The following GPR179 variants were observed in gnomAD, a reference collection of about 807,000 sequenced individuals.
GPR179 encodes G protein-coupled receptor 179, also known as probable G protein-coupled receptor 179.
In GPR179, 52 loss-of-function variants were observed where a neutral mutation model predicts 70.8. The observed-to-expected ratio is 0.73, with a 90% confidence interval of 0.59 to 0.93. The LOEUF (loss-of-function observed/expected upper bound fraction) is 0.93. Among genes scored for constraint, GPR179 ranks in the 40% least tolerant of loss-of-function variants. GPR179 has a pLI of 0.00. For synonymous variants in GPR179, 1,123 were observed against 1,169.0 expected (o/e 0.96, Z 0.80); for missense variants, 2,734 against 2,966.8 (o/e 0.92, Z 1.82).
rs370179227 is a variant in GPR179 at position 38,327,229 on chromosome 17, C to T, written c.6340G>A (p.Val2114Met). 4.5e-5 allele frequency: 73 copies of T among 1,614,146 alleles called. No homozygotes were observed. Among genetic ancestry groups the T allele is most frequent in the Non-Finnish European group, 6.1e-5 (72 of 1,180,052 alleles). ...AGSVETRVAE[V>M]CLWEVVEAPS... ...GCCTCTACCACTTCCCACAGACACA[C>T]TTCCGCTACCCTGGTCTCCACACTG... The change falls in exon 11 of 11, where the codon GTG becomes ATG. Residue 2114 changes from valine (V) to methionine (M), a missense_variant. Physicochemically the swap from Val to Met is conservative, Grantham distance 21 (BLOSUM62 1). Coordinates refer to ENST00000616987, the MANE Select transcript of GPR179 (RefSeq NM_001004334.4).
At position 38,336,988 on chromosome 17, in the gene GPR179, C is replaced by T. The variant is rs770208418; in HGVS notation, c.1217G>A (p.Arg406His). Reference protein sequence around the residue: ...FLSMLVSYRCRRNKRIWASGV... With the variant: ...FLSMLVSYRCHRNKRIWASGV... The stretch of plus-strand genomic sequence containing the variant: ...TGGGGCCTTCCTTGCCTTGTTCCGG[C>T]GGCAGCGGTAGGAGACCAGCATGCT... The change falls in exon 4 of 11, where the codon CGC becomes CAC. Residue 406 changes from arginine to histidine, a missense_variant. By Grantham distance (29) the Arg-to-His change is conservative. Coordinates refer to ENST00000616987, the MANE Select transcript of GPR179 (RefSeq NM_001004334.4). The T allele has an allele frequency of 3.9e-5, 63 of 1,596,494 alleles. No homozygotes were observed. Among genetic ancestry groups the T allele is most frequent in the African/African-American group, 6.7e-5 (5 of 74,772 alleles).
chr17:38,331,636 T>C (rs1464901582), intron 10 of GPR179, 105 bp from the exon 11 acceptor site: 22 of 1,492,666 alleles, frequency 1.5e-5, no homozygotes, highest in Non-Finnish European at 2.0e-5. Flanking sequence ...TAGGGATCTC[T>C]TTCCATCAAG....
At position 38,330,956 on chromosome 17, in the gene GPR179, C is replaced by T; in HGVS notation, c.2613G>A (p.Glu871=). 1.2e-6 allele frequency: 2 copies of T among 1,611,500 alleles called. No homozygotes were observed. The highest frequency in any genetic ancestry group is 1.7e-6 in the Non-Finnish European group (2 of 1,179,124). ...CCATGGCTGCCTTGGCCTTCTTCCG[C>T]TCCTCCCGCTCCTTTGCTTGCCGGT... is the stretch of plus-strand genomic sequence containing the variant. ...ETYRQAKERE[E]RKKAKAAMAS... The change falls in exon 11 of 11, where the codon GAG becomes GAA. Residue 871 remains glutamate, a synonymous_variant. Coordinates refer to ENST00000616987, the MANE Select transcript of GPR179 (RefSeq NM_001004334.4).
chr17:38,330,360 G>A lies in GPR179; in HGVS notation c.3209C>T (p.Pro1070Leu). ...AGGGGCCTTGAGGCTGTGGGATTTA[G>A]GGAAGATCTTGGGCCTGTCTTCGTC... ...DVDEDRPKIF[P>L]KSHSLKAPVQ... is the part of the protein sequence containing the mutation. Residue 1070 changes from proline to leucine, a missense_variant, in exon 11 of 11, where the codon CCT (proline) becomes CTT (leucine). By Grantham distance (98) the Pro-to-Leu change is moderately conservative (BLOSUM62 -3). Coordinates refer to ENST00000616987, the MANE Select transcript of GPR179 (RefSeq NM_001004334.4). 3.1e-6 allele frequency: 5 copies of A among 1,613,960 alleles called. No individual in the cohort carries two copies. The highest frequency in any genetic ancestry group is 4.2e-6 in the Non-Finnish European group (5 of 1,179,924).
Position 38,334,034 on chromosome 17 carries a change from C to A in GPR179, c.1789G>T (p.Val597Leu). The A allele has an allele frequency of 2.5e-6, 4 of 1,612,852 alleles. No homozygotes were observed. The highest frequency in any genetic ancestry group is 1.7e-4 in the Middle Eastern group (1 of 6,052). Residue 597 changes from valine to leucine, a missense_variant, in exon 9 of 11, where the codon GTG (valine) becomes TTG (leucine). Coordinates refer to ENST00000616987, the MANE Select transcript of GPR179 (RefSeq NM_001004334.4). The surrounding 1 kb of genome is among the most constrained non-coding windows in gnomAD (Gnocchi z 4.7). ...LSAAFHTARF[V>L]LVPSLHPDWT... The stretch of plus-strand genomic sequence containing the variant: ...TCCGGGTGCAGAGAGGGAACCAGCA[C>A]AAACCTGGGGCGGGATAGGGGCGCA...
rs771561911 is a variant in GPR179 at position 38,330,827 on chromosome 17, A to T, written c.2742T>A (p.Ser914=). The T allele has an allele frequency of 1.2e-6, 2 of 1,606,172 alleles. No individual in the cohort carries two copies. Among genetic ancestry groups the T allele is most frequent in the Non-Finnish European group, 1.7e-6 (2 of 1,176,656 alleles). The change falls in exon 11 of 11, where the codon TCT becomes TCA. Residue 914 remains serine (S), a synonymous_variant. Coordinates refer to ENST00000616987, the MANE Select transcript of GPR179 (RefSeq NM_001004334.4). ...SPAKSSSVDS[S]HTSGRLHEEA... is the part of the protein sequence containing the mutation. Reference sequence around the variant, plus strand: ...CCTCATGAAGCCTCCCAGAGGTGTGAGAGCTGTCCACGCTGCTGCTCTTGG... The same window carrying T: ...CCTCATGAAGCCTCCCAGAGGTGTGTGAGCTGTCCACGCTGCTGCTCTTGG...
At chr17:38,332,170 G>T (rs892859447) in intron 10 of GPR179, among the ~76,000 whole-genome samples, 1 of 152,112 alleles carries the variant, frequency 6.6e-6, no homozygotes, top group Non-Finnish European at 1.5e-5. Flanking sequence ...AGGACACAAG[G>T]GGGAAACGGG....
chr17:38,331,828 C>T (rs2037363496), intron 10 of GPR179, among the ~76,000 whole-genome samples: 2 of 152,108 alleles, frequency 1.3e-5, no homozygotes, highest in East Asian at 1.9e-4. Context: ...ATGCTGTGTC[C>T]CTGGAGGCTG....
chr17:38,341,669 C>T (rs973250925), intron 1 of GPR179, among the ~76,000 whole-genome samples: 2 of 152,186 alleles, frequency 1.3e-5, no homozygotes, highest in Non-Finnish European at 1.5e-5. Context: ...ATCCTTCTTT[C>T]CTGTGGTTGA....
Position 38,328,590 on chromosome 17 carries a change from G to A in GPR179, c.4979C>T (p.Ser1660Phe), listed in dbSNP as rs749770941. Residue 1660 changes from serine (S) to phenylalanine (F), a missense_variant, in exon 11 of 11, where the codon TCC becomes TTC. By Grantham distance (155) the Ser-to-Phe change is radical. Coordinates refer to ENST00000616987, the MANE Select transcript of GPR179 (RefSeq NM_001004334.4). The stretch of plus-strand genomic sequence containing the variant: ...TGTGTCTTGAGGACGTGGTTGTGGG[G>A]AGAAGCTGCCAGGGTCCACACTCTC... The part of the protein sequence containing the change: ...PWESVDPGSF[S>F]PQPRPQDTER... 15 of 1,614,154 alleles carry A rather than the reference G, an allele frequency of 9.3e-6. No individual in the cohort carries two copies. The Admixed American group carries it at 2.5e-4, about 27-fold the overall frequency.
chr17:38,328,414 A>G lies in GPR179; in HGVS notation c.5155T>C (p.Leu1719=), dbSNP rs981800431. ...GATTTCCTAATGGCCTCAGCTCCCA[A>G]AGCCCTTTCCTCCCCTGCTCCAGCA... ...VGAGAGEERA[L]GAEAIRKSPN... The change falls in exon 11 of 11, where the codon TTG becomes CTG. Residue 1719 remains leucine (L), a synonymous_variant. Coordinates refer to ENST00000616987, the MANE Select transcript of GPR179 (RefSeq NM_001004334.4). 1.2e-6 allele frequency: 2 copies of G among 1,611,154 alleles called. No individual in the cohort carries two copies. The highest frequency in any genetic ancestry group is 1.7e-6 in the Non-Finnish European group (2 of 1,179,202).
Position 38,326,917 on chromosome 17 carries a change from T to TC in GPR179, c.6651dup (p.Met2218AspfsTer16). The TC allele has an allele frequency of 6.2e-7, 1 of 1,614,178 alleles. No individual in the cohort carries two copies. ...ATTTCCCATTGGCACAGCTCTGCCA[T>TC]CCTGCTTCCCATGCTGCCTGCTTCC... On this transcript the variant is annotated frameshift_variant, in exon 11 of 11. Transcript: ENST00000616987. LOFTEE classifies it low-confidence loss of function (END_TRUNC).
Position 38,327,375 on chromosome 17 carries a change from A to G in GPR179, c.6194T>C (p.Met2065Thr). 1 of 1,614,102 alleles carries G rather than the reference A, an allele frequency of 6.2e-7. No individual in the cohort carries two copies. The highest frequency in any genetic ancestry group is 8.5e-7 in the Non-Finnish European group (1 of 1,180,030). ...AGCCTCCTGCTGCCTGAAGTCTGCC[A>G]TCTCTGGCTTTTTCTGAACTGGCAC... is the stretch of plus-strand genomic sequence containing the variant. The part of the protein sequence containing the change: ...KGVPVQKKPE[M>T]ADFRQQEAVC... The change falls in exon 11 of 11, where the codon ATG becomes ACG. Residue 2065 changes from methionine (M) to threonine (T), a missense_variant. Coordinates refer to ENST00000616987, the MANE Select transcript of GPR179 (RefSeq NM_001004334.4).
At position 38,328,947 on chromosome 17, in the gene GPR179, G is replaced by A. The variant is rs376459437; in HGVS notation, c.4622C>T (p.Thr1541Met). 1.2e-5 allele frequency: 19 copies of A among 1,614,024 alleles called. No homozygotes were observed. The East Asian group carries it at 1.3e-4, about 11-fold the overall frequency. Reference protein sequence around the residue: ...QQESVCPRESTVPGHSSPCLD... With the variant: ...QQESVCPRESMVPGHSSPCLD... ...ACATGGGCTGGAGTGCCCAGGGACC[G>A]TGCTCTCCCTGGGACAAACTGACTC... Residue 1541 changes from threonine (T) to methionine (M), a missense_variant, in exon 11 of 11, where the codon ACG becomes ATG. Physicochemically the swap from Thr to Met is moderately conservative, Grantham distance 81. Coordinates refer to ENST00000616987, the MANE Select transcript of GPR179 (RefSeq NM_001004334.4).
chr17:38,331,822 T>G (rs1222352575), intron 10 of GPR179, among the ~76,000 whole-genome samples: 2 of 152,138 alleles, frequency 1.3e-5, no homozygotes, highest in African/African-American at 4.8e-5. Context: ...CTCAATATGC[T>G]GTGTCCCTGG....
In GPR179 at chr17:38,335,148, C is replaced by T. The variant is rs1301440395; in HGVS notation, c.1530G>A (p.Val510=). ...PVLGFLAVWT[V]GALERGIQHA... ...GCTGGATGCCTCGCTCCAGGGCGCC[C>T]ACGGTCCACACAGCCAGGAAGCCCA... Residue 510 remains valine, a synonymous_variant, in exon 7 of 11, where the codon GTG becomes GTA. Transcript: ENST00000616987. 4 of 1,590,106 alleles carry T rather than the reference C, an allele frequency of 2.5e-6. No individual in the cohort carries two copies. The Admixed American group carries it at 7.2e-5, about 29-fold the overall frequency.
rs150665461 is a variant in GPR179, at chr17:38,332,074, CA to C, written c.2038-544del. Among the ~76,000 whole-genome samples the C allele has an allele frequency of 2.2e-3, 335 of 152,146 alleles. 2 individuals are homozygous for C. The highest frequency in any genetic ancestry group is 7.7e-3 in the African/African-American group (320 of 41,512). On this transcript the variant is annotated intron_variant, in intron 10 of 10. Coordinates refer to ENST00000616987, the MANE Select transcript of GPR179 (RefSeq NM_001004334.4). ...GCTTGTGTTCCAGAAAGTGGAGGGTCAGGGGTGGAGCTGCCCCTCCATACTC... is the reference window on the plus strand; with the variant it reads ...GCTTGTGTTCCAGAAAGTGGAGGGTCGGGGTGGAGCTGCCCCTCCATACTC...
At position 38,339,523 on chromosome 17, in the gene GPR179, C is replaced by T. The variant is rs1567727442; in HGVS notation, c.797G>A (p.Gly266Glu). 6.2e-7 allele frequency: 1 copy of T among 1,612,450 alleles called. No individual in the cohort carries two copies. ...GAGATCTACGTCCATCTGCACCTGC[C>T]CCCTACGGCAGTGAATTGGCAATTA... ...LKPDLSPEVR[G>E]QVQMDVDLQS... Residue 266 changes from glycine (G) to glutamate (E), a missense_variant and splice_region_variant, in exon 2 of 11, where the codon GGG becomes GAG. Physicochemically the swap from Gly to Glu is moderately conservative, Grantham distance 98 (BLOSUM62 -2). Transcript: ENST00000616987.
chr17:38,342,193 G>A (rs1360259396), intron 1 of GPR179, among the ~76,000 whole-genome samples: 5 of 151,068 alleles, frequency 3.3e-5, no homozygotes, highest in African/African-American at 9.8e-5. Flanking sequence ...TAGGTTGAAC[G>A]CCTGGAGTGC....
Sources: allele counts gnomAD v4.1 joint callset (sites outside exome capture counted in the v4.1 genomes callset), GRCh38; gene constraint gnomAD v4.1.1; non-coding constraint Gnocchi (gnomAD v3.1); transcripts MANE v1.5; gene names NCBI Gene and HGNC (gene_info 2026-07-23, HGNC 2026-07-21).